Variants in CDKAL1 observed in about 807,000 individuals in gnomAD.
The protein encoded by CDKAL1 is threonylcarbamoyladenosine tRNA methylthiotransferase.
Under a neutral mutation model 68.2 loss-of-function variants are expected in CDKAL1, and 32 were observed. The observed-to-expected ratio is 0.47, with a 90% CI of 0.35 to 0.63. CDKAL1 has a LOEUF of 0.63. Ranked by LOEUF, CDKAL1 falls within the 30% of genes least tolerant of loss-of-function variation. CDKAL1 has a pLI of 0.00. For missense variants in CDKAL1, 606 were observed against 696.7 expected, an observed-to-expected ratio of 0.87 and a Z score of 1.47; for synonymous variants, 234 against 244.3, an observed-to-expected ratio of 0.96 and a Z score of 0.39.
chr6:21,136,829 G>T (rs1775627770), intron 13 of CDKAL1, among the ~76,000 whole-genome samples: 2 of 152,128 alleles, frequency 1.3e-5, no homozygotes, highest in Admixed American at 1.3e-4. Flanking sequence ...AACTTGTCCA[G>T]TGCTTTTTCC....
chr6:21,090,836 C>G (rs1028761408), intron 12 of CDKAL1, among the ~76,000 whole-genome samples: 10 of 138,372 alleles, frequency 7.2e-5, no homozygotes, highest in Non-Finnish European at 7.6e-5. Context: ...CAGAGTCTCA[C>G]TCTGTCACCC....
intron 5 of CDKAL1, among the ~76,000 whole-genome samples, chr6:20,653,748 G>T (rs946713911): frequency 6.6e-6 from 1 of 152,062 alleles, no homozygotes; most frequent in Non-Finnish European, 1.5e-5. Flanking sequence ...TCGAGTAGGT[G>T]GGATTACAGG....
intron 11 of CDKAL1, among the ~76,000 whole-genome samples, chr6:21,005,670 G>A (rs1432933388): frequency 2.0e-5 from 3 of 152,150 alleles, no homozygotes; most frequent in African/African-American, 7.2e-5. Context: ...TTAATCCCAT[G>A]ATATTGTTCA....
chr6:21,054,078 A>G (rs1186138394), intron 11 of CDKAL1, among the ~76,000 whole-genome samples: 1 of 152,146 alleles, frequency 6.6e-6, no homozygotes, highest in Non-Finnish European at 1.5e-5. Flanking sequence ...GATGTTTAAT[A>G]ATTCTGTATC....
intron 10 of CDKAL1, among the ~76,000 whole-genome samples, chr6:20,987,949 T>A (rs1205098775): frequency 3.3e-5 from 5 of 150,998 alleles, no homozygotes; most frequent in African/African-American, 1.2e-4. Context: ...CCAGCTTTTT[T>A]TTTTTTTTTT....
intron 4 of CDKAL1, among the ~76,000 whole-genome samples, chr6:20,553,139 G>A (rs183620442): frequency 5.2e-4 from 79 of 152,244 alleles, no homozygotes; most frequent in African/African-American, 1.8e-3. Flanking sequence ...ATCATTTGGG[G>A]AAGAAAGATT....
At chr6:20,724,382 TA>T (rs1194105127) in intron 5 of CDKAL1, among the ~76,000 whole-genome samples, 2 of 152,142 alleles carry the variant, frequency 1.3e-5, no homozygotes, top group African/African-American at 4.8e-5. Context: ...GATAACCTTT[TA>T]TGAGGTTAAA....
At chr6:20,985,551 T>A (rs1766406794) in intron 10 of CDKAL1, among the ~76,000 whole-genome samples, 1 of 152,202 alleles carries the variant, frequency 6.6e-6, no homozygotes, top group Admixed American at 6.5e-5. Flanking sequence ...CACCTCTGCC[T>A]CCCAAAATGC....
chr6:20,784,268 C>T (rs1561775094), intron 8 of CDKAL1, among the ~76,000 whole-genome samples: 1 of 151,110 alleles, frequency 6.6e-6, no homozygotes, highest in Non-Finnish European at 1.5e-5. Context: ...TTCCCATATA[C>T]TTTAAATCAT....
chr6:21,102,813 G>C (rs1773648598), intron 12 of CDKAL1, among the ~76,000 whole-genome samples: 1 of 152,152 alleles, frequency 6.6e-6, no homozygotes, highest in Admixed American at 6.5e-5. Flanking sequence ...TTCTGAACCT[G>C]ATTGTCCAGT....
At chr6:20,827,415 A>G (rs1777543885) in intron 8 of CDKAL1, among the ~76,000 whole-genome samples, 1 of 152,148 alleles carries the variant, frequency 6.6e-6, no homozygotes, top group Non-Finnish European at 1.5e-5. Context: ...GATGGTCTCT[A>G]TTTGTGTTAC....
At chr6:21,055,672 A>G (rs1770790998) in intron 11 of CDKAL1, among the ~76,000 whole-genome samples, 1 of 152,130 alleles carries the variant, frequency 6.6e-6, no homozygotes, top group South Asian at 2.1e-4. Context: ...GCTTCTGACA[A>G]TATCCATGTC....
rs1776124659 is a variant in CDKAL1 at position 21,145,567 on chromosome 6, A to C, written c.1299+37104A>C. Among the ~76,000 whole-genome samples, 3 of 152,228 alleles carry C rather than the reference A, an allele frequency of 2.0e-5. No individual in the cohort carries two copies. The South Asian group carries it at 6.2e-4, about 31-fold the overall frequency. On this transcript the variant is annotated intron_variant, in intron 13 of 15. Coordinates refer to ENST00000274695, the MANE Select transcript of CDKAL1 (RefSeq NM_017774.3). Reference sequence around the variant, plus strand: ...TAGGGGACCAAGTTAATGTCAACAAAGAATGGTAAATCAGATTTGCAATCT... The same window carrying C: ...TAGGGGACCAAGTTAATGTCAACAACGAATGGTAAATCAGATTTGCAATCT...
chr6:21,052,844 G>T (rs113117258), intron 11 of CDKAL1, among the ~76,000 whole-genome samples: 95 of 152,224 alleles, frequency 6.2e-4, no homozygotes, highest in African/African-American at 2.2e-3. Flanking sequence ...GCAAGACTCC[G>T]TCTCTACAGA....
At chr6:20,965,028 T>C (rs2150743787) in intron 10 of CDKAL1, among the ~76,000 whole-genome samples, 1 of 152,244 alleles carries the variant, frequency 6.6e-6, no homozygotes, top group East Asian at 1.9e-4. Flanking sequence ...AACTGATGTT[T>C]GGCCAGGTGC....
At chr6:20,715,261 C>T (rs1772034876) in intron 5 of CDKAL1, among the ~76,000 whole-genome samples, 2 of 152,054 alleles carry the variant, frequency 1.3e-5, no homozygotes, top group Non-Finnish European at 2.9e-5. Flanking sequence ...TTATATTTGC[C>T]AACCCTCCCC....
At position 20,583,343 on chromosome 6, in the gene CDKAL1, A is replaced by G. The variant is rs146206658; in HGVS notation, c.286+34638A>G. Among the ~76,000 whole-genome samples the G allele has an allele frequency of 1.8e-4, 27 of 152,310 alleles. No individual in the cohort carries two copies. The East Asian group carries it at 5.2e-3, about 29-fold the overall frequency. ...TATTGATGTCTTCAGTATCATAAAT[A>G]TCTGTAACTCTTACTTTGAATGTAA... On this transcript the variant is annotated intron_variant, in intron 4 of 15. Coordinates refer to ENST00000274695, the MANE Select transcript of CDKAL1 (RefSeq NM_017774.3).
chr6:20,627,146 C>G (rs1487868394), intron 4 of CDKAL1, among the ~76,000 whole-genome samples: 1 of 152,182 alleles, frequency 6.6e-6, no homozygotes, highest in African/African-American at 2.4e-5. Context: ...GCATCTACTT[C>G]AAAGTCCAGA....
At chr6:20,913,065 T>G (rs1309736796) in intron 9 of CDKAL1, among the ~76,000 whole-genome samples, 1 of 150,828 alleles carries the variant, frequency 6.6e-6, no homozygotes, top group Non-Finnish European at 1.5e-5. Flanking sequence ...TCTTAGGAGA[T>G]GTATCAGTCA....
Sources: allele counts gnomAD v4.1 joint callset (sites outside exome capture counted in the v4.1 genomes callset), GRCh38; gene constraint gnomAD v4.1.1; transcripts MANE v1.5; gene names NCBI Gene and HGNC (gene_info 2026-07-23, HGNC 2026-07-21).